The following LAMTOR4 variants were observed in gnomAD, a reference collection of about 807,000 sequenced individuals.
The protein encoded by LAMTOR4 is late endosomal/lysosomal adaptor, MAPK and MTOR activator 4.
A neutral mutation model predicts 13.5 loss-of-function variants in LAMTOR4; 11 were observed. That is an observed-to-expected ratio of 0.82 (90% CI 0.51 to 1.35). LAMTOR4 has a LOEUF of 1.35. Ranked by LOEUF, LAMTOR4 falls within the 40% of genes most tolerant of loss-of-function variation. LAMTOR4 has a pLI of 0.00. For synonymous variants in LAMTOR4, 69 were observed against 52.3 expected, an observed-to-expected ratio of 1.32 and a Z score of -1.38; for missense variants, 128 against 126.2, an observed-to-expected ratio of 1.01 and a Z score of -0.07.
At chr7:100,149,237 G>A (rs2116938682) in intron 1 of LAMTOR4, 2 of 608,114 alleles carry the variant, frequency 3.3e-6, no homozygotes, top group Non-Finnish European at 5.8e-6. Flanking sequence ...AGGGGCCAGT[G>A]GGGCAGCAAA....
Position 100,148,989 on chromosome 7 carries a change from C to T in LAMTOR4, c.3+14C>T, listed in dbSNP as rs1207290255. ...AAGACTGCGATGGTGAGTGAGGACG[C>T]ATGCGCGAGAGGACCCGCCGGGGGT... On this transcript the variant is annotated intron_variant, in intron 1 of 3. Transcript: ENST00000341942. 1 of 1,609,590 alleles carries T rather than the reference C, an allele frequency of 6.2e-7. No homozygotes were observed. Among genetic ancestry groups the T allele is most frequent in the Non-Finnish European group, 8.5e-7 (1 of 1,178,878 alleles).
Position 100,153,944 on chromosome 7 carries a change from C to CG in LAMTOR4, c.283dup (p.Glu95GlyfsTer4). ...TGTGGTGAAGAGGCAGAACCGAGGT[C>CG]GGGAGCCCATTGATGTCTGAGCCTG... On this transcript the variant is annotated frameshift_variant, in exon 4 of 4. Transcript: ENST00000341942. LOFTEE classifies it high-confidence loss of function. The CG allele has an allele frequency of 6.3e-7, 1 of 1,590,062 alleles. No homozygotes were observed. The highest frequency in any genetic ancestry group is 8.6e-7 in the Non-Finnish European group (1 of 1,168,754).
At chr7:100,149,124 C>T in intron 1 of LAMTOR4, 149 bp downstream of exon 1, 2 of 1,021,058 alleles carry the variant, frequency 2.0e-6, no homozygotes, top group Non-Finnish European at 2.8e-6. Context: ...GGAGGGATGG[C>T]GACGAGAATG....
At chr7:100,150,924 G>C (rs1798679203) in intron 2 of LAMTOR4, among the ~76,000 whole-genome samples, 1 of 149,098 alleles carries the variant, frequency 6.7e-6, no homozygotes, top group Non-Finnish European at 1.5e-5. Context: ...GGAAGGTGGA[G>C]GTTGCAGTTA....
At position 100,149,596 on chromosome 7, in the gene LAMTOR4, G is replaced by T; in HGVS notation, c.84+17G>T. Reference sequence around the variant, plus strand: ...GTGCTGGCGGTGCGTTCTGGGAAAGGGAGGGGGTCCCTTAGTGCACACAGC... The same window carrying T: ...GTGCTGGCGGTGCGTTCTGGGAAAGTGAGGGGGTCCCTTAGTGCACACAGC... On this transcript the variant is annotated intron_variant, in intron 2 of 3. Coordinates refer to ENST00000341942, the MANE Select transcript of LAMTOR4 (RefSeq NM_001008395.4). 1 of 1,607,238 alleles carries T rather than the reference G, an allele frequency of 6.2e-7. No individual in the cohort carries two copies. Among genetic ancestry groups the T allele is most frequent in the South Asian group, 1.1e-5 (1 of 90,930 alleles).
chr7:100,152,309 G>T (rs765826513), intron 2 of LAMTOR4, among the ~76,000 whole-genome samples: 1 of 152,134 alleles, frequency 6.6e-6, no homozygotes, highest in Non-Finnish European at 1.5e-5. Context: ...GGTTGAGGCA[G>T]GAGAATTGCT....
At position 100,153,940 on chromosome 7, in the gene LAMTOR4, AG is replaced by A. The variant is rs780615662; in HGVS notation, c.278del (p.Gly93ValfsTer38). On this transcript the variant is annotated frameshift_variant, in exon 4 of 4. Coordinates refer to ENST00000341942, the MANE Select transcript of LAMTOR4 (RefSeq NM_001008395.4). LOFTEE classifies it high-confidence loss of function. The stretch of plus-strand genomic sequence containing the variant: ...TGTTTGTGGTGAAGAGGCAGAACCG[AG>A]GTCGGGAGCCCATTGATGTCTGAGC... Reference protein sequence around the residue: ...RVFVVKRQNRGREPIDV With the variant: ...RVFVVKRQNRXREPIDV 6.3e-7 allele frequency: 1 copy of A among 1,591,612 alleles called. No individual in the cohort carries two copies. Among genetic ancestry groups the A allele is most frequent in the Non-Finnish European group, 8.6e-7 (1 of 1,169,554 alleles).
rs1244395477 is a variant in LAMTOR4, at chr7:100,148,924, C to G, written c.-49C>G. ...GCAAGCACGTGACCGGGGCCTGAAGCCGGAAGCTACCTATCTGGTAGGGAG... is the reference window on the plus strand; with the variant it reads ...GCAAGCACGTGACCGGGGCCTGAAGGCGGAAGCTACCTATCTGGTAGGGAG... On this transcript the variant is annotated 5_prime_UTR_variant, in exon 1 of 4. Transcript: ENST00000341942. 1 of 1,611,122 alleles carries G rather than the reference C, an allele frequency of 6.2e-7. No individual in the cohort carries two copies. Among genetic ancestry groups the G allele is most frequent in the Admixed American group, 1.7e-5 (1 of 60,004 alleles).
At chr7:100,149,753 T>C in intron 2 of LAMTOR4, 174 bp downstream of exon 2, 1 of 551,448 alleles carries the variant, frequency 1.8e-6, no homozygotes, top group Non-Finnish European at 3.3e-6. Flanking sequence ...TGTGGAATCT[T>C]AGTCTCCTAA....
Position 100,149,547 on chromosome 7 carries a change from T to C in LAMTOR4, c.52T>C (p.Tyr18His). Residue 18 changes from tyrosine to histidine, a missense_variant, in exon 2 of 4, where the codon TAC (tyrosine) becomes CAC (histidine). Coordinates refer to ENST00000341942, the MANE Select transcript of LAMTOR4 (RefSeq NM_001008395.4). ...GGAGCGAATCCCAGACCAGCTCGGC[T>C]ACCTGGTACTGAGTGAAGGTGCAGT... ...GLERIPDQLG[Y>H]LVLSEGAVLA... 6.2e-7 allele frequency: 1 copy of C among 1,614,024 alleles called. No individual in the cohort carries two copies. The highest frequency in any genetic ancestry group is 8.5e-7 in the Non-Finnish European group (1 of 1,179,956).
At chr7:100,153,372 C>A in intron 2 of LAMTOR4, 28 bp from the exon 3 acceptor site, 1 of 1,501,010 alleles carries the variant, frequency 6.7e-7, no homozygotes, top group Non-Finnish European at 9.2e-7. Context: ...GTAATGCCCG[C>A]CCCTCTCCCT....
Position 100,154,162 on chromosome 7 carries a change from T to G in LAMTOR4, c.*198T>G, listed in dbSNP as rs1393035595. The stretch of plus-strand genomic sequence containing the variant: ...ACAAGGGCAAGGAGACCTCCCTTTG[T>G]GCTCCCTCACTCCCTAATAAACATG... On this transcript the variant is annotated 3_prime_UTR_variant, in exon 4 of 4. Transcript: ENST00000341942. The G allele has an allele frequency of 1.1e-5, 6 of 571,186 alleles. No individual in the cohort carries two copies. The highest frequency in any genetic ancestry group is 8.9e-5 in the Admixed American group (3 of 33,676). The allele number at this position is 571,186 out of a possible 1,614,324, so 35.4% of individuals were successfully genotyped here. A position where few individuals can be genotyped will look rare whatever the true frequency, so the allele number is the denominator to read the frequency against.
intron 3 of LAMTOR4, 157 bp from the exon 4 acceptor site, chr7:100,153,710 A>G (rs1387136351): frequency 1.3e-6 from 1 of 745,064 alleles, no homozygotes; most frequent in Admixed American, 2.0e-5. Flanking sequence ...AGCAGAGGCC[A>G]CTCATCTTCA....
At chr7:100,151,465 T>C (rs1297980082) in intron 2 of LAMTOR4, among the ~76,000 whole-genome samples, 1 of 151,824 alleles carries the variant, frequency 6.6e-6, no homozygotes. Context: ...CTCCCCTCAC[T>C]GCAAGCTCCG....
intron 2 of LAMTOR4, chr7:100,149,787 G>A: frequency 2.1e-6 from 1 of 477,292 alleles, no homozygotes; most frequent in Non-Finnish European, 3.8e-6. Context: ...TTTATTTATA[G>A]TTTTTGAGAC....
intron 2 of LAMTOR4, among the ~76,000 whole-genome samples, chr7:100,150,632 A>C (rs1027760349): frequency 6.6e-6 from 1 of 152,156 alleles, no homozygotes; most frequent in Non-Finnish European, 1.5e-5. Context: ...AGACCCAGTG[A>C]GGTGGTTGAG....
intron 1 of LAMTOR4, 108 bp from the exon 2 acceptor site, chr7:100,149,391 G>C (rs926817020): frequency 6.3e-6 from 5 of 791,712 alleles, no homozygotes; most frequent in Non-Finnish European, 9.0e-6. Context: ...TGGGGAATGA[G>C]AAAACCTGGG....
At chr7:100,151,070 G>C (rs1798683674) in intron 2 of LAMTOR4, among the ~76,000 whole-genome samples, 1 of 149,402 alleles carries the variant, frequency 6.7e-6, no homozygotes, top group African/African-American at 2.5e-5. Flanking sequence ...TTTTGTTTTT[G>C]TTTTTTTTTG....
At chr7:100,149,064 G>A in intron 1 of LAMTOR4, 89 bp downstream of exon 1, 1 of 1,501,576 alleles carries the variant, frequency 6.7e-7, no homozygotes, top group South Asian at 1.2e-5. Context: ...GTGGGCCTGC[G>A]CTCCACCCTC....
Sources: allele counts gnomAD v4.1 joint callset (sites outside exome capture counted in the v4.1 genomes callset), GRCh38; gene constraint gnomAD v4.1.1; transcripts MANE v1.5; gene names NCBI Gene and HGNC (gene_info 2026-07-23, HGNC 2026-07-21).